LPP: variants seen among roughly 807,000 people sequenced by gnomAD.
The protein encoded by LPP is LIM domain containing preferred translocation partner in lipoma, also known as lipoma-preferred partner.
A neutral mutation model predicts 60.4 loss-of-function variants in LPP; 38 were observed. The observed-to-expected ratio is 0.63, with a 90% CI of 0.49 to 0.83. The LOEUF is 0.83. Ranked by LOEUF, LPP falls within the 40% of genes least tolerant of loss-of-function variation. The pLI is 0.00. For missense variants in LPP, 902 were observed against 783.6 expected, an observed-to-expected ratio of 1.15 and a Z score of -1.80; for synonymous variants, 328 against 290.8, an observed-to-expected ratio of 1.13 and a Z score of -1.30.
intron 6 of LPP, among the ~76,000 whole-genome samples, chr3:188,608,816 C>G (rs80248452): frequency 1.4e-3 from 215 of 152,108 alleles, no homozygotes; most frequent in African/African-American, 5.1e-3. Flanking sequence ...GATGTTTATC[C>G]GTTTGTTTGT....
At chr3:188,760,965 G>A (rs1732125635) in intron 9 of LPP, among the ~76,000 whole-genome samples, 1 of 152,100 alleles carries the variant, frequency 6.6e-6, no homozygotes, top group African/African-American at 2.4e-5. Context: ...TTACCTTAGC[G>A]TTTTACAATG....
At chr3:188,471,474 G>A (rs989306775) in intron 4 of LPP, among the ~76,000 whole-genome samples, 35 of 152,166 alleles carry the variant, frequency 2.3e-4, no homozygotes, top group African/African-American at 8.0e-4. Context: ...GAAAAATTTG[G>A]TGTAATTTAA....
chr3:188,775,130 G>A (rs1015933478), intron 9 of LPP, among the ~76,000 whole-genome samples: 1 of 149,372 alleles, frequency 6.7e-6, no homozygotes, highest in African/African-American at 2.5e-5. Flanking sequence ...TTGGCTCACT[G>A]CAGCCTCCAC....
At chr3:188,691,441 C>A (rs1200736561) in intron 7 of LPP, among the ~76,000 whole-genome samples, 1 of 152,170 alleles carries the variant, frequency 6.6e-6, no homozygotes, top group Non-Finnish European at 1.5e-5. Flanking sequence ...ACATCTGAAG[C>A]ATTTGGAGTA....
Position 188,885,390 on chromosome 3 carries a change from C to A in LPP, c.*10911C>A. 5.2e-6 allele frequency: 1 copy of A among 193,868 alleles called. No homozygotes were observed. Among genetic ancestry groups the A allele is most frequent in the Non-Finnish European group, 1.1e-5 (1 of 92,904 alleles). 12.0% of individuals were successfully genotyped at this position (193,868 alleles called of 1,614,324 possible). A position where few individuals can be genotyped will look rare whatever the true frequency, so the allele number is the denominator to read the frequency against. On this transcript the variant is annotated 3_prime_UTR_variant, in exon 12 of 12. Transcript: ENST00000617246. Reference sequence around the variant, plus strand: ...GTTAAATAGCAAATGACTTCTCACCCCTTCCTAGTCCTCATGCCTGAGGAA... The same window carrying A: ...GTTAAATAGCAAATGACTTCTCACCACTTCCTAGTCCTCATGCCTGAGGAA...
intron 8 of LPP, 136 bp downstream of exon 8, chr3:188,708,529 C>T: frequency 8.8e-7 from 1 of 1,141,714 alleles, no homozygotes; most frequent in Non-Finnish European, 1.3e-6. Context: ...CATCCCCGCA[C>T]AACTAAGTAA....
At chr3:188,839,958 C>A (rs530813661) in intron 9 of LPP, among the ~76,000 whole-genome samples, 1 of 152,122 alleles carries the variant, frequency 6.6e-6, no homozygotes, top group South Asian at 2.1e-4. Context: ...TTATTATCCA[C>A]AAATAATAAA....
chr3:188,726,284 G>C (rs534180312), intron 8 of LPP, among the ~76,000 whole-genome samples: 1 of 152,124 alleles, frequency 6.6e-6, no homozygotes, highest in South Asian at 2.1e-4. Flanking sequence ...TCAAAGGGGC[G>C]TAAGAGGGAT....
intron 9 of LPP, among the ~76,000 whole-genome samples, chr3:188,860,537 A>G (rs1343417517): frequency 6.6e-6 from 1 of 152,100 alleles, no homozygotes; most frequent in African/African-American, 2.4e-5. Flanking sequence ...GTCCTTCCGA[A>G]TCCTCCCAAA....
intron 5 of LPP, among the ~76,000 whole-genome samples, chr3:188,514,042 A>G (rs1274831515): frequency 6.6e-6 from 1 of 152,178 alleles, no homozygotes; most frequent in Non-Finnish European, 1.5e-5. Context: ...CTGCTTGATA[A>G]TATCAGCGGG....
chr3:188,333,484 G>A (rs947051098), intron 2 of LPP, among the ~76,000 whole-genome samples: 6 of 152,158 alleles, frequency 3.9e-5, no homozygotes, highest in African/African-American at 1.4e-4. Context: ...TCATTTATCT[G>A]TGTGAAAGGA....
chr3:188,504,632 C>T (rs1426062491), intron 5 of LPP, among the ~76,000 whole-genome samples: 1 of 152,074 alleles, frequency 6.6e-6, no homozygotes, highest in African/African-American at 2.4e-5. Flanking sequence ...AGTCTCTGTG[C>T]TAAGTATTAG....
At chr3:188,568,399 T>TAAAGGA (rs1392265761) in intron 6 of LPP, 1 of 151,992 alleles carries the variant, frequency 6.6e-6, no homozygotes, top group Non-Finnish European at 1.5e-5. Flanking sequence ...ACTCTGGTTT[T>TAAAGGA]AAAGGAGATG....
At chr3:188,376,783 G>T (rs1578442008) in intron 3 of LPP, among the ~76,000 whole-genome samples, 1 of 152,318 alleles carries the variant, frequency 6.6e-6, no homozygotes, top group South Asian at 2.1e-4. Flanking sequence ...GCTAGTTGAT[G>T]CAGTTTCTTC....
At chr3:188,838,869 G>A (rs1383015475) in intron 9 of LPP, among the ~76,000 whole-genome samples, 1 of 152,032 alleles carries the variant, frequency 6.6e-6, no homozygotes, top group Non-Finnish European at 1.5e-5. Context: ...GTGGGGGTCG[G>A]GTGCAAGGAG....
intron 2 of LPP, among the ~76,000 whole-genome samples, chr3:188,253,790 C>T (rs1730740664): frequency 6.6e-6 from 1 of 152,172 alleles, no homozygotes; most frequent in African/African-American, 2.4e-5. Context: ...TGCTTTCCCT[C>T]CCCTCAGTAA....
chr3:188,526,679 C>T (rs75834262), intron 6 of LPP, among the ~76,000 whole-genome samples: 1,857 of 152,244 alleles, frequency 0.012, 37 homozygotes, highest in African/African-American at 0.042. Flanking sequence ...AATATACTAC[C>T]ACTTAGCTCT....
At chr3:188,570,793 G>C (rs1401841116) in intron 6 of LPP, among the ~76,000 whole-genome samples, 1 of 151,740 alleles carries the variant, frequency 6.6e-6, no homozygotes, top group Admixed American at 6.6e-5. Flanking sequence ...GACATTGTAT[G>C]GTGGGTGAAA....
chr3:188,169,216 G>T (rs1394908242), intron 1 of LPP, among the ~76,000 whole-genome samples: 7 of 152,270 alleles, frequency 4.6e-5, no homozygotes, highest in South Asian at 2.1e-4. Flanking sequence ...CTCTGTGAGA[G>T]GCTTCTTTTA....
Sources: gnomAD v4.1 joint callset for allele counts (sites outside exome capture counted in the v4.1 genomes callset) on GRCh38, gnomAD v4.1.1 for gene constraint, MANE v1.5 for transcripts, NCBI Gene and HGNC (gene_info 2026-07-23, HGNC 2026-07-21) for gene names.